The following CNTNAP1 variants were observed in gnomAD, a reference collection of about 807,000 sequenced individuals.
CNTNAP1 encodes the protein contactin associated protein 1.
In CNTNAP1, 80 loss-of-function variants were observed where a neutral mutation model predicts 161.5. The observed-to-expected ratio is 0.50, with a 90% CI of 0.41 to 0.60. The LOEUF (loss-of-function observed/expected upper bound fraction) is 0.60, where lower values mean the gene tolerates loss of function less well. CNTNAP1 is among the 20% of genes least tolerant of loss of function. The pLI is 0.00. For synonymous variants in CNTNAP1, 695 were observed against 733.1 expected (o/e 0.95, Z 0.84); for missense variants, 1,464 against 1,854.8 (o/e 0.79, Z 3.87).
chr17:42,689,654 T>A (rs907260476), intron 11 of CNTNAP1, 27 bp downstream of exon 11: 3 of 1,587,008 alleles, frequency 1.9e-6, no homozygotes, highest in Non-Finnish European at 2.6e-6. Flanking sequence ...ATGGGGGGAG[T>A]CAGGGACAAG....
In CNTNAP1 at chr17:42,697,345, C is replaced by G; in HGVS notation, c.3546C>G (p.Ala1182=). ...LVDSQLDSPK[A]LYLGRVMETG... Reference sequence around the variant, plus strand: ...ACAGCCAGTTGGACTCACCCAAGGCCTTGTATTTAGGGCGTGTGATGGGTA... The same window carrying G: ...ACAGCCAGTTGGACTCACCCAAGGCGTTGTATTTAGGGCGTGTGATGGGTA... Residue 1182 remains alanine (A), a synonymous_variant, in exon 21 of 24, where the codon GCC becomes GCG. Transcript: ENST00000264638. 6.2e-7 allele frequency: 1 copy of G among 1,614,128 alleles called. No homozygotes were observed. Among genetic ancestry groups the G allele is most frequent in the South Asian group, 1.1e-5 (1 of 91,074 alleles).
At chr17:42,690,329 G>A in intron 12 of CNTNAP1, 122 bp downstream of exon 12, 1 of 1,229,050 alleles carries the variant, frequency 8.1e-7, no homozygotes, top group Non-Finnish European at 1.2e-6. Context: ...AGGGCATACT[G>A]AGGAATTTGT....
In CNTNAP1 at chr17:42,698,944, T is replaced by C; in HGVS notation, c.*34T>C. 1 of 1,479,936 alleles carries C rather than the reference T, an allele frequency of 6.8e-7. No homozygotes were observed. The highest frequency in any genetic ancestry group is 8.9e-7 in the Non-Finnish European group (1 of 1,120,886). 91.7% of individuals were successfully genotyped at this position (1,479,936 alleles called of 1,614,324 possible). ...GGCTTCTGGGACCAATTCCAGCTCC[T>C]GACATTCCCCCAGTCCTGCCTCTCC... On this transcript the variant is annotated 3_prime_UTR_variant, in exon 24 of 24. Transcript: ENST00000264638.
At chr17:42,688,310 C>A in intron 8 of CNTNAP1, 152 bp from the exon 9 acceptor site, 1 of 1,017,112 alleles carries the variant, frequency 9.8e-7, no homozygotes, top group Non-Finnish European at 1.5e-6. Context: ...AAGAGACATT[C>A]AGAGAGGTCT....
intron 16 of CNTNAP1, 92 bp from the exon 17 acceptor site, chr17:42,692,407 G>A: frequency 1.9e-6 from 2 of 1,057,344 alleles, no homozygotes; most frequent in South Asian, 3.0e-5. Context: ...GCTCCAAAGA[G>A]GTGAGGGAAA....
Position 42,698,852 on chromosome 17 carries a change from C to G in CNTNAP1, c.4097C>G (p.Ala1366Gly). Residue 1366 changes from alanine to glycine, a missense_variant, in exon 24 of 24, where the codon GCC becomes GGC. Coordinates refer to ENST00000264638, the MANE Select transcript of CNTNAP1 (RefSeq NM_003632.3). ...GCCCCAGCCCCAACTCCAGCCCCAG[C>G]CCCTGGCCCCCGGGATCAGAACCTA... Reference protein sequence around the residue: ...APAPAPTPAPAPGPRDQNLPQ... With the variant: ...APAPAPTPAPGPGPRDQNLPQ... 1 of 1,590,630 alleles carries G rather than the reference C, an allele frequency of 6.3e-7. No individual in the cohort carries two copies. The highest frequency in any genetic ancestry group is 2.2e-5 in the East Asian group (1 of 44,728).
Position 42,687,945 on chromosome 17 carries a change from G to A in CNTNAP1, c.1270G>A (p.Ala424Thr), listed in dbSNP as rs2053038926. 6.2e-7 allele frequency: 1 copy of A among 1,613,962 alleles called. No homozygotes were observed. The highest frequency in any genetic ancestry group is 1.3e-5 in the African/African-American group (1 of 75,056). ...CGAAGGGCAGGTCAACGTGTCCATC[G>A]CGCAGAGCGGCCGAAAGAAGCTTCA... is the stretch of plus-strand genomic sequence containing the variant. ...LSEGQVNVSI[A>T]QSGRKKLQFA... The change falls in exon 8 of 24, where the codon GCG (alanine) becomes ACG (threonine). Residue 424 changes from alanine (A) to threonine (T), a missense_variant. Physicochemically the swap from Ala to Thr is moderately conservative, Grantham distance 58. Around this residue, in one of 3 missense-constraint regions of CNTNAP1, gnomAD observed 1,383 missense variants for 1,765.0 expected, o/e 0.78. Coordinates refer to ENST00000264638, the MANE Select transcript of CNTNAP1 (RefSeq NM_003632.3). The surrounding 1 kb of genome is among the most constrained non-coding windows in gnomAD (Gnocchi z 4.7).
Position 42,685,043 on chromosome 17 carries a change from T to A in CNTNAP1, c.416T>A (p.Phe139Tyr), listed in dbSNP as rs766786493. Residue 139 changes from phenylalanine to tyrosine, a missense_variant, in exon 4 of 24, where the codon TTC (phenylalanine) becomes TAC (tyrosine). Transcript: ENST00000264638. The surrounding 1 kb of genome is among the most constrained non-coding windows in gnomAD (Gnocchi z 5.0). ...ESAVVRHDLH[F>Y]HFTARYIRIV... is the part of the protein sequence containing the mutation. ...GCGGTGGTGCGCCATGACCTGCACT[T>A]CCACTTCACTGCGCGCTACATCCGC... 1.3e-6 allele frequency: 2 copies of A among 1,590,710 alleles called. No homozygotes were observed. The highest frequency in any genetic ancestry group is 1.2e-5 in the South Asian group (1 of 86,600).
intron 18 of CNTNAP1, 89 bp downstream of exon 18, chr17:42,693,625 A>C: frequency 1.3e-6 from 2 of 1,536,260 alleles, no homozygotes; most frequent in South Asian, 2.5e-5. Context: ...TGTAAAGCCC[A>C]TATCATGGAA....
Position 42,699,175 on chromosome 17 carries a change from C to T in CNTNAP1, c.*265C>T. The T allele has an allele frequency of 2.4e-6, 1 of 410,380 alleles. No homozygotes were observed. The allele number at this position is 410,380 out of a possible 1,614,324, so 25.4% of individuals were successfully genotyped here. On this transcript the variant is annotated 3_prime_UTR_variant, in exon 24 of 24. Coordinates refer to ENST00000264638, the MANE Select transcript of CNTNAP1 (RefSeq NM_003632.3). Reference sequence around the variant, plus strand: ...TTTATCTGCCCCAAAGGAGAAGCCTCATGGGGTTGACATAGGTCCTTTCTG... The same window carrying T: ...TTTATCTGCCCCAAAGGAGAAGCCTTATGGGGTTGACATAGGTCCTTTCTG...
chr17:42,687,631 C>G lies in CNTNAP1; in HGVS notation c.1045-89C>G. ...CGCCAACACCGAAGGAGGGCGGTGA[C>G]CAGGGTCTTAGACCGGTGTGAAAAC... is the stretch of plus-strand genomic sequence containing the variant. On this transcript the variant is annotated intron_variant, in intron 7 of 23. Transcript: ENST00000264638. This position sits in a 1 kb window ranked among gnomAD's most constrained non-coding sequence, Gnocchi z 4.7. 1 of 1,511,658 alleles carries G rather than the reference C, an allele frequency of 6.6e-7. No individual in the cohort carries two copies. Among genetic ancestry groups the G allele is most frequent in the South Asian group, 1.3e-5 (1 of 78,424 alleles). 93.6% of individuals were successfully genotyped at this position (1,511,658 alleles called of 1,614,324 possible). A position where few individuals can be genotyped will look rare whatever the true frequency, so the allele number is the denominator to read the frequency against.
At position 42,682,641 on chromosome 17, in the gene CNTNAP1, A is replaced by G. The variant is rs28605954; in HGVS notation, c.-189A>G. 1,974 of 612,650 alleles carry G rather than the reference A, an allele frequency of 3.2e-3. 42 individuals carry two copies. The African/African-American group carries it at 0.033, about 10-fold the overall frequency. The allele number at this position is 612,650 out of a possible 1,614,324, so 38.0% of individuals were successfully genotyped here. A position where few individuals can be genotyped will look rare whatever the true frequency, so the allele number is the denominator to read the frequency against. ...GAGCGGAGGACCAGGAACCAGAGAG[A>G]GAGAGAGAGAAAAGAGAGAGGAGAG... is the stretch of plus-strand genomic sequence containing the variant. On this transcript the variant is annotated 5_prime_UTR_variant, in exon 1 of 24. Coordinates refer to ENST00000264638, the MANE Select transcript of CNTNAP1 (RefSeq NM_003632.3).
At chr17:42,686,478 T>TGTTTGTTTG (rs1306173074) in intron 6 of CNTNAP1, among the ~76,000 whole-genome samples, 1 of 134,146 alleles carries the variant, frequency 7.5e-6, no homozygotes, top group African/African-American at 3.4e-5. Context: ...TGTTTTTTTT[T>TGTTTGTTTG]TTTTTTTTTT....
chr17:42,694,783 T>C (rs938144003), intron 18 of CNTNAP1, among the ~76,000 whole-genome samples: 17 of 152,074 alleles, frequency 1.1e-4, no homozygotes, highest in Non-Finnish European at 2.2e-4. Context: ...ACATTCCCCA[T>C]AGCAAGATCC....
intron 1 of CNTNAP1, 199 bp from the exon 2 acceptor site, chr17:42,683,622 A>C: frequency 7.0e-7 from 1 of 1,424,570 alleles, no homozygotes; most frequent in Middle Eastern, 2.6e-4. Context: ...TTTGCCTAGA[A>C]GGAGAAGGTA....
Position 42,691,030 on chromosome 17 carries a change from T to G in CNTNAP1, c.2059+88T>G. The G allele has an allele frequency of 1.3e-6, 2 of 1,598,290 alleles. No individual in the cohort carries two copies. Among genetic ancestry groups the G allele is most frequent in the Non-Finnish European group, 8.5e-7 (1 of 1,170,430 alleles). ...GGAAGCCAGAGAGCCAGCTGGGGCC[T>G]TGGGTTGGAAGATTCAAGGAGGGGT... On this transcript the variant is annotated intron_variant, in intron 13 of 23. Transcript: ENST00000264638. This position sits in a 1 kb window ranked among gnomAD's most constrained non-coding sequence, Gnocchi z 4.3.
Position 42,691,121 on chromosome 17 carries a change from T to G in CNTNAP1, c.2060-16T>G. 1 of 1,612,806 alleles carries G rather than the reference T, an allele frequency of 6.2e-7. No homozygotes were observed. The highest frequency in any genetic ancestry group is 8.5e-7 in the Non-Finnish European group (1 of 1,179,524). On this transcript the variant is annotated splice_polypyrimidine_tract_variant and intron_variant, in intron 13 of 23. Coordinates refer to ENST00000264638, the MANE Select transcript of CNTNAP1 (RefSeq NM_003632.3). The surrounding 1 kb of genome is among the most constrained non-coding windows in gnomAD (Gnocchi z 4.3). ...GGAGGGACAGGGCCTGGAAGCTGCC[T>G]GCACCTCTTCCCCAGGAGGCTACCC... is the stretch of plus-strand genomic sequence containing the variant.
rs751181300 is a variant in CNTNAP1, at chr17:42,698,901, G to C, written c.4146G>C (p.Arg1382Ser). The C allele has an allele frequency of 3.3e-6, 5 of 1,525,806 alleles. No homozygotes were observed. The South Asian group carries it at 3.8e-5, about 12-fold the overall frequency. 94.5% of individuals were successfully genotyped at this position (1,525,806 alleles called of 1,614,324 possible). ...QNLPQILEES[R>S]SE is the part of the protein sequence containing the mutation. Reference sequence around the variant, plus strand: ...TACCCCAGATCCTGGAGGAGTCCAGGTCTGAATGAGTCAGAAGGGCTTCTG... The same window carrying C: ...TACCCCAGATCCTGGAGGAGTCCAGCTCTGAATGAGTCAGAAGGGCTTCTG... The change falls in exon 24 of 24, where the codon AGG becomes AGC. Residue 1382 changes from arginine (R) to serine (S), a missense_variant. By Grantham distance (110) the Arg-to-Ser change is moderately radical. Transcript: ENST00000264638.
In CNTNAP1 at chr17:42,693,344, A is replaced by T; in HGVS notation, c.2800A>T (p.Met934Leu). 1 of 1,614,172 alleles carries T rather than the reference A, an allele frequency of 6.2e-7. No homozygotes were observed. ...RRPFVGCLRA[M>L]RLNGVTLNLE... ...CCCCTTTGTGGGTTGCTTGAGGGCC[A>T]TGCGTCTGAACGGAGTGACTCTGAA... The change falls in exon 18 of 24, where the codon ATG (methionine) becomes TTG (leucine). Residue 934 changes from methionine to leucine, a missense_variant. Transcript: ENST00000264638.
Sources: gnomAD v4.1 joint callset for allele counts (sites outside exome capture counted in the v4.1 genomes callset) on GRCh38, gnomAD v4.1.1 for gene constraint, gnomAD v4.1.1 regional missense constraint, Gnocchi (gnomAD v3.1) non-coding constraint, MANE v1.5 for transcripts, NCBI Gene and HGNC (gene_info 2026-07-23, HGNC 2026-07-21) for gene names.